MAPRE2: variants seen among roughly 807,000 people sequenced by gnomAD.
MAPRE2 encodes microtubule-associated protein RP/EB family member 2.
A neutral mutation model predicts 43.2 loss-of-function variants in MAPRE2; 13 were observed. The ratio of observed to expected loss-of-function variants is 0.30; its 90% CI spans 0.20 to 0.48. The LOEUF is 0.48. Ranked by LOEUF, MAPRE2 falls within the 20% of genes least tolerant of loss-of-function variation. MAPRE2 has a pLI of 0.99. For synonymous variants in MAPRE2, 135 were observed against 148.8 expected (o/e 0.91, Z 0.68); for missense variants, 161 against 400.2 (o/e 0.40, Z 5.10).
intron 1 of MAPRE2, among the ~76,000 whole-genome samples, chr18:34,990,333 G>A (rs2097023134): frequency 6.6e-6 from 1 of 152,168 alleles, no homozygotes; most frequent in African/African-American, 2.4e-5. Context: ...GATGGCATTT[G>A]AGGCTTGGTG....
chr18:35,089,481 G>A (rs1908038112), intron 2 of MAPRE2, among the ~76,000 whole-genome samples: 1 of 152,008 alleles, frequency 6.6e-6, no homozygotes, highest in Non-Finnish European at 1.5e-5. Context: ...ACCCATTTAA[G>A]AAACAAGCAA....
intron 2 of MAPRE2, among the ~76,000 whole-genome samples, chr18:35,089,790 T>C (rs1296062596): frequency 6.6e-6 from 1 of 152,216 alleles, no homozygotes; most frequent in African/African-American, 2.4e-5. Context: ...ATCCTAGGTA[T>C]ACTGCCAAGA....
intron 2 of MAPRE2, among the ~76,000 whole-genome samples, chr18:35,091,313 G>A (rs965716015): frequency 2.0e-5 from 3 of 152,144 alleles, no homozygotes; most frequent in Admixed American, 1.3e-4. Flanking sequence ...TACCTTCAGG[G>A]TATGTGTATA....
chr18:34,990,896 A>T (rs886466113), intron 1 of MAPRE2, among the ~76,000 whole-genome samples: 3 of 152,170 alleles, frequency 2.0e-5, no homozygotes, highest in African/African-American at 7.2e-5. Context: ...TAACTGAACT[A>T]TAGGGAGCTT....
At chr18:35,119,409 T>A (rs1909570275) in intron 4 of MAPRE2, among the ~76,000 whole-genome samples, 1 of 152,236 alleles carries the variant, frequency 6.6e-6, no homozygotes, top group Non-Finnish European at 1.5e-5. Context: ...TTTTCTAGTT[T>A]ATTCTATCAC....
chr18:35,044,743 G>A (rs1233848193), intron 1 of MAPRE2, among the ~76,000 whole-genome samples: 4 of 152,218 alleles, frequency 2.6e-5, no homozygotes, highest in Admixed American at 2.6e-4. Flanking sequence ...GGTGAGAAGA[G>A]GAGGGAACAC....
chr18:34,993,318 G>T (rs950672752), intron 1 of MAPRE2, among the ~76,000 whole-genome samples: 3 of 147,178 alleles, frequency 2.0e-5, no homozygotes, highest in Non-Finnish European at 4.5e-5. Flanking sequence ...GCCCAGGGTG[G>T]TCTAGATCTC....
chr18:35,057,108 T>G (rs951447559), intron 1 of MAPRE2, among the ~76,000 whole-genome samples: 3 of 152,110 alleles, frequency 2.0e-5, no homozygotes, highest in African/African-American at 4.8e-5. Context: ...TCCGCCCCCC[T>G]GGTTCAAGGT....
At chr18:35,128,879 C>A (rs1910021193) in intron 5 of MAPRE2, among the ~76,000 whole-genome samples, 1 of 152,174 alleles carries the variant, frequency 6.6e-6, no homozygotes, top group Non-Finnish European at 1.5e-5. Flanking sequence ...CGCTTATAGC[C>A]TGAACCGCCC....
intron 2 of MAPRE2, among the ~76,000 whole-genome samples, chr18:35,096,276 C>T (rs904436632): frequency 2.6e-5 from 4 of 152,092 alleles, no homozygotes; most frequent in Admixed American, 2.6e-4. Flanking sequence ...TAGAGAGAGA[C>T]CAAGAGATCT....
chr18:35,134,968 G>A lies in MAPRE2; in HGVS notation c.909+2778G>A, dbSNP rs1261335582. ...GCATTGCCCTGTAAGTATATGCTGG[G>A]GAGTACCCAAAATTCAAGAAGAGAA... On this transcript the variant is annotated intron_variant, in intron 6 of 6. Coordinates refer to ENST00000300249, the MANE Select transcript of MAPRE2 (RefSeq NM_014268.4). Among the ~76,000 whole-genome samples the A allele has an allele frequency of 2.0e-5, 3 of 152,276 alleles. No individual in the cohort carries two copies. In the East Asian group the frequency reaches 5.8e-4, roughly 29 times the overall value.
intron 4 of MAPRE2, among the ~76,000 whole-genome samples, chr18:35,114,736 T>C (rs1909335301): frequency 6.6e-6 from 1 of 152,196 alleles, no homozygotes; most frequent in Admixed American, 6.5e-5. Context: ...CTCCCTGCAC[T>C]GGAAGGCAGA....
intron 2 of MAPRE2, among the ~76,000 whole-genome samples, chr18:35,090,646 C>T (rs1300091497): frequency 2.7e-5 from 4 of 150,274 alleles, no homozygotes; most frequent in African/African-American, 7.3e-5. Context: ...GCAGAAGAAT[C>T]GCTTCAGCTT....
intron 4 of MAPRE2, among the ~76,000 whole-genome samples, chr18:35,120,993 C>G (rs1453528455): frequency 1.3e-5 from 2 of 152,156 alleles, no homozygotes; most frequent in African/African-American, 4.8e-5. Context: ...TGTGTGTGTG[C>G]ACACGCTCAT....
intron 1 of MAPRE2, among the ~76,000 whole-genome samples, chr18:35,046,980 C>A (rs1603393788): frequency 1.3e-5 from 2 of 152,152 alleles, no homozygotes; most frequent in East Asian, 3.9e-4. Context: ...GTTTCTGGTT[C>A]ATTATGAAGC....
intron 2 of MAPRE2, chr18:35,070,539 A>G (rs1018361721): frequency 2.0e-5 from 7 of 345,906 alleles, no homozygotes; most frequent in African/African-American, 1.5e-4. Context: ...ACGGACACGT[A>G]TTGGAAAGGT....
At chr18:35,009,141 G>A (rs559332317) in intron 2 of MAPRE2, among the ~76,000 whole-genome samples, 2 of 152,194 alleles carry the variant, frequency 1.3e-5, no homozygotes, top group African/African-American at 4.8e-5. Context: ...ACTTTAGTAA[G>A]AAAATAAGAT....
chr18:35,080,981 G>A (rs1603398821), intron 2 of MAPRE2, among the ~76,000 whole-genome samples: 1 of 152,160 alleles, frequency 6.6e-6, no homozygotes, highest in African/African-American at 2.4e-5. Flanking sequence ...TGAAACTAAT[G>A]CGAGTCCTGT....
At chr18:34,984,897 TA>T (rs2097018350) in intron 1 of MAPRE2, among the ~76,000 whole-genome samples, 1 of 57,822 alleles carries the variant, frequency 1.7e-5, no homozygotes, top group African/African-American at 6.2e-5. Context: ...ATATATAATA[TA>T]TTTTATGTTA....
Sources: allele counts gnomAD v4.1 joint callset (sites outside exome capture counted in the v4.1 genomes callset), GRCh38; gene constraint gnomAD v4.1.1; transcripts MANE v1.5; gene names NCBI Gene and HGNC (gene_info 2026-07-23, HGNC 2026-07-21).